The following NFATC1 variants were observed in gnomAD, a reference collection of about 807,000 sequenced individuals.
NFATC1 encodes nuclear factor of activated T-cells, cytoplasmic 1.
NFATC1 carries 22 observed loss-of-function variants against 76.0 expected under a neutral mutation model. The ratio of observed to expected loss-of-function variants is 0.29; its 90% CI spans 0.21 to 0.41. The LOEUF (loss-of-function observed/expected upper bound fraction) is 0.41, where lower values mean the gene tolerates loss of function less well. Among genes scored for constraint, NFATC1 ranks in the 10% least tolerant of loss-of-function variants. NFATC1 has a pLI of 1.00. For missense variants in NFATC1, 1,357 were observed against 1,337.7 expected (o/e 1.01, Z -0.23); for synonymous variants, 704 against 613.1 (o/e 1.15, Z -2.19).
At chr18:79,437,524 G>T (rs1343600397) in intron 3 of NFATC1, among the ~76,000 whole-genome samples, 1 of 152,256 alleles carries the variant, frequency 6.6e-6, no homozygotes, top group Non-Finnish European at 1.5e-5. Flanking sequence ...TGCAGGGGAG[G>T]CTGAGGGGGC....
chr18:79,486,236 TCC>T lies in NFATC1; in HGVS notation c.2093-11_2093-10del. On this transcript the variant is annotated splice_polypyrimidine_tract_variant and intron_variant, in intron 8 of 9. Coordinates refer to ENST00000427363, the MANE Select transcript of NFATC1 (RefSeq NM_001278669.2). ...ACTTGTGTTTATTTAATTTTTTTTT[TCC>T]TTCTCACAGTTCCAATTATAAAAAC... 1.3e-6 allele frequency: 2 copies of T among 1,586,562 alleles called. No individual in the cohort carries two copies. Among genetic ancestry groups the T allele is most frequent in the Admixed American group, 3.5e-5 (2 of 56,750 alleles).
intron 4 of NFATC1, 113 bp downstream of exon 4, chr18:79,449,097 G>C (rs2087347627): frequency 2.0e-6 from 2 of 1,015,390 alleles, no homozygotes; most frequent in Non-Finnish European, 2.8e-6. Context: ...TGCGTGGCCA[G>C]GACACTTTTG....
At chr18:79,429,088 G>A (rs1362685268) in intron 2 of NFATC1, among the ~76,000 whole-genome samples, 1 of 152,082 alleles carries the variant, frequency 6.6e-6, no homozygotes, top group East Asian at 1.9e-4. Context: ...CGGTGTGGTG[G>A]TGGGCACCTG....
chr18:79,483,835 T>TCCAGCGTGACCTGGTTCCTGGGGTGTCAC (rs1205233427), intron 8 of NFATC1, among the ~76,000 whole-genome samples: 2 of 120,020 alleles, frequency 1.7e-5, no homozygotes, highest in African/African-American at 7.2e-5. Flanking sequence ...TGGGGTGTCA[T>TCCAGCGTGACCTGGTTCCTGGGGTGTCAC]TCCAGCGTGA....
chr18:79,480,387 C>T (rs2089231572), intron 8 of NFATC1, among the ~76,000 whole-genome samples: 1 of 152,074 alleles, frequency 6.6e-6, no homozygotes, highest in African/African-American at 2.4e-5. Context: ...ACTGGGCCTT[C>T]TGCTTGCCCC....
rs149673834 is a variant in NFATC1, at chr18:79,448,937, C to T, written c.1542C>T (p.Thr514=). The T allele has an allele frequency of 5.6e-6, 9 of 1,613,616 alleles. No individual in the cohort carries two copies. The East Asian group carries it at 1.1e-4, about 20-fold the overall frequency. The change falls in exon 4 of 10, where the codon ACC becomes ACT. Residue 514 remains threonine, a synonymous_variant. Coordinates refer to ENST00000427363, the MANE Select transcript of NFATC1 (RefSeq NM_001278669.2). ...GCCACGAGGCCATCCTCTCCAACAC[C>T]AAAGTCCTGGAGATCCCACTCCTGC... is the stretch of plus-strand genomic sequence containing the variant. ...TTSHEAILSN[T]KVLEIPLLPE...
At chr18:79,438,844 G>C (rs906577753) in intron 3 of NFATC1, among the ~76,000 whole-genome samples, 1 of 152,202 alleles carries the variant, frequency 6.6e-6, no homozygotes, top group South Asian at 2.1e-4. Flanking sequence ...CAGTGGCCTT[G>C]GTGGGCCTCT....
intron 7 of NFATC1, among the ~76,000 whole-genome samples, chr18:79,462,852 G>C (rs1263825075): frequency 6.6e-6 from 1 of 151,668 alleles, no homozygotes; most frequent in Non-Finnish European, 1.5e-5. Flanking sequence ...CACCCACTCA[G>C]TGTGTGCAGT....
intron 5 of NFATC1, 131 bp from the exon 6 acceptor site, chr18:79,451,545 G>A: frequency 2.0e-6 from 2 of 982,898 alleles, no homozygotes; most frequent in Non-Finnish European, 2.8e-6. Context: ...CATCCGCAGG[G>A]GTCGGCCCGC....
chr18:79,453,604 TTGTC>T (rs2087565742), intron 6 of NFATC1, among the ~76,000 whole-genome samples: 1 of 152,192 alleles, frequency 6.6e-6, no homozygotes, highest in Admixed American at 6.5e-5. Context: ...CAATGCCAGT[TTGTC>T]TGCCCATGTC....
intron 8 of NFATC1, chr18:79,468,596 T>C (rs1252519133): frequency 6.6e-6 from 1 of 152,238 alleles, no homozygotes; most frequent in African/African-American, 2.4e-5. Context: ...TCAGGGTGTT[T>C]TGGAAGGTTT....
At chr18:79,499,938 T>C (rs1417005609) in intron 9 of NFATC1, among the ~76,000 whole-genome samples, 1 of 152,126 alleles carries the variant, frequency 6.6e-6, no homozygotes, top group African/African-American at 2.4e-5. Context: ...CAGGAAGATA[T>C]AAACACATTT....
chr18:79,412,486 G>A (rs1039298099), intron 2 of NFATC1, among the ~76,000 whole-genome samples: 10 of 147,464 alleles, frequency 6.8e-5, no homozygotes, highest in African/African-American at 2.5e-4. Context: ...TTTTATTAGC[G>A]AGCACTCAGG....
At chr18:79,400,221 C>G (rs913360768) in intron 1 of NFATC1, 1 of 1,182,612 alleles carries the variant, frequency 8.5e-7, no homozygotes. Context: ...CCGGCGGCCG[C>G]GAGCCGGTTG....
chr18:79,472,963 G>A (rs1167620184), intron 8 of NFATC1, among the ~76,000 whole-genome samples: 3 of 152,216 alleles, frequency 2.0e-5, no homozygotes, highest in Non-Finnish European at 4.4e-5. Flanking sequence ...AAACGCAGAC[G>A]ACCCACACTC....
At position 79,451,144 on chromosome 18, in the gene NFATC1, C is replaced by T. The variant is rs759203528; in HGVS notation, c.1762+18C>T. 20 of 1,598,814 alleles carry T rather than the reference C, an allele frequency of 1.3e-5. No homozygotes were observed. The highest frequency in any genetic ancestry group is 1.3e-5 in the African/African-American group (1 of 74,640). The stretch of plus-strand genomic sequence containing the variant: ...CGAATGCTGTAAGTGGACGTCCACG[C>T]GCCCACAGGGGAGGAAACCGTCCCG... On this transcript the variant is annotated intron_variant, in intron 5 of 9. Transcript: ENST00000427363.
At chr18:79,427,862 A>G (rs1278129710) in intron 2 of NFATC1, among the ~76,000 whole-genome samples, 17 of 57,878 alleles carry the variant, frequency 2.9e-4, no homozygotes, top group Admixed American at 4.6e-4. Flanking sequence ...GTGTAGGGGG[A>G]GCTGGACGGC....
intron 8 of NFATC1, chr18:79,470,152 G>C (rs918459379): frequency 1.4e-4 from 40 of 285,800 alleles, no homozygotes; most frequent in African/African-American, 9.1e-4. Flanking sequence ...GTCCAGCTCA[G>C]ATGGCTTCTG....
rs1045425293 is a variant in NFATC1 at position 79,459,658 on chromosome 18, T to C, written c.1904-1653T>C. Among the ~76,000 whole-genome samples, 9 of 152,226 alleles carry C rather than the reference T, an allele frequency of 5.9e-5. No homozygotes were observed. In the East Asian group the frequency reaches 1.7e-3, roughly 29 times the overall value. ...CCTGGGCTGGGCGGGAAGCAAACTA[T>C]AGCCTGTTGCGCCCGGGAGCTTCAG... On this transcript the variant is annotated intron_variant, in intron 6 of 9. Transcript: ENST00000427363.
Sources: allele counts gnomAD v4.1 joint callset (sites outside exome capture counted in the v4.1 genomes callset), GRCh38; gene constraint gnomAD v4.1.1; transcripts MANE v1.5; gene names NCBI Gene and HGNC (gene_info 2026-07-23, HGNC 2026-07-21).